The following ARHGAP32 variants were observed in gnomAD, a reference collection of about 807,000 sequenced individuals.
ARHGAP32 encodes rho GTPase-activating protein 32.
Under a neutral mutation model 186.5 loss-of-function variants are expected in ARHGAP32, and 51 were observed. The observed-to-expected ratio is 0.27, with a 90% CI of 0.22 to 0.35. The LOEUF is 0.35. Ranked by LOEUF, ARHGAP32 falls within the 10% of genes least tolerant of loss-of-function variation. ARHGAP32 has a pLI of 1.00. For synonymous variants in ARHGAP32, 950 were observed against 964.3 expected (o/e 0.99, Z 0.27); for missense variants, 2,186 against 2,623.5 (o/e 0.83, Z 3.64).
chr11:129,035,393 T>A (rs1468111379), intron 11 of ARHGAP32, among the ~76,000 whole-genome samples: 1 of 152,258 alleles, frequency 6.6e-6, no homozygotes, highest in Non-Finnish European at 1.5e-5. Flanking sequence ...TCTCAAACTA[T>A]AGCTGTATCT....
chr11:129,170,491 C>T (rs1394049014), intron 1 of ARHGAP32, among the ~76,000 whole-genome samples: 2 of 152,132 alleles, frequency 1.3e-5, no homozygotes, highest in Admixed American at 6.5e-5. Flanking sequence ...CTGTCCATGT[C>T]CCTGAAAAGG....
chr11:128,969,350 C>CT lies in ARHGAP32; in HGVS notation c.5862dup (p.Glu1955ArgfsTer14). The CT allele has an allele frequency of 1.2e-6, 2 of 1,614,188 alleles. No individual in the cohort carries two copies. The highest frequency in any genetic ancestry group is 8.5e-7 in the Non-Finnish European group (1 of 1,180,036). On this transcript the variant is annotated frameshift_variant, in exon 23 of 23. Coordinates refer to ENST00000682385, the MANE Select transcript of ARHGAP32 (RefSeq NM_001378024.1). LOFTEE classifies it high-confidence loss of function. The surrounding 1 kb of genome is among the most constrained non-coding windows in gnomAD (Gnocchi z 4.8). Reference sequence around the variant, plus strand: ...TCCATCTCTTTGGAGAGCCTTACCTCTTTGTGGTTCAGTCTTAAAGATTCT... The same window carrying CT: ...TCCATCTCTTTGGAGAGCCTTACCTCTTTTGTGGTTCAGTCTTAAAGATTCT...
intron 1 of ARHGAP32, among the ~76,000 whole-genome samples, chr11:129,225,404 G>A (rs1944767246): frequency 6.6e-6 from 1 of 152,118 alleles, no homozygotes; most frequent in African/African-American, 2.4e-5. Flanking sequence ...GTTATCAAAT[G>A]TCTGGATGAC....
At chr11:129,251,161 CTGA>C (rs1264883367) in intron 1 of ARHGAP32, among the ~76,000 whole-genome samples, 1 of 152,170 alleles carries the variant, frequency 6.6e-6, no homozygotes, top group Non-Finnish European at 1.5e-5. Context: ...TCCAAAGGTG[CTGA>C]TGATGAGGTA....
chr11:128,972,775 A>T lies in ARHGAP32; in HGVS notation c.3731T>A (p.Phe1244Tyr). The change falls in exon 22 of 23, where the codon TTT (phenylalanine) becomes TAT (tyrosine). Residue 1244 changes from phenylalanine (F) to tyrosine (Y), a missense_variant. This residue lies in a region of ARHGAP32 where 1,502 missense variants were observed against 1,570.0 expected (regional missense o/e 0.96). Coordinates refer to ENST00000682385, the MANE Select transcript of ARHGAP32 (RefSeq NM_001378024.1). ...AGGAGGTGTGGGAGATTTGTCTGCA[A>T]ATTCTAAAGGGTGATGGAGTTTATC... ...SVDKLHHPLE[F>Y]ADKSPTPPNL... is the part of the protein sequence containing the mutation. The T allele has an allele frequency of 1.9e-6, 3 of 1,613,932 alleles. No individual in the cohort carries two copies. Among genetic ancestry groups the T allele is most frequent in the Non-Finnish European group, 2.5e-6 (3 of 1,179,998 alleles).
chr11:129,210,340 A>C (rs959746235), intron 1 of ARHGAP32, among the ~76,000 whole-genome samples: 4 of 152,204 alleles, frequency 2.6e-5, no homozygotes, highest in African/African-American at 9.6e-5. Context: ...TTACAACTGT[A>C]TGGGAAATTT....
chr11:129,204,577 T>C (rs1944493836), intron 1 of ARHGAP32, among the ~76,000 whole-genome samples: 1 of 152,216 alleles, frequency 6.6e-6, no homozygotes, highest in Non-Finnish European at 1.5e-5. Flanking sequence ...TCCTTACCTG[T>C]ATAGTTCACT....
intron 1 of ARHGAP32, among the ~76,000 whole-genome samples, chr11:129,254,188 C>G (rs1945225427): frequency 6.6e-6 from 1 of 151,968 alleles, no homozygotes; most frequent in East Asian, 1.9e-4. Context: ...ATTTATACAG[C>G]CCATGTGCAC....
At chr11:129,153,191 C>G (rs1272816657) in intron 2 of ARHGAP32, among the ~76,000 whole-genome samples, 3 of 151,664 alleles carry the variant, frequency 2.0e-5, no homozygotes, top group African/African-American at 7.3e-5. Flanking sequence ...GATGAACTAT[C>G]TCTACAAGGA....
intron 2 of ARHGAP32, among the ~76,000 whole-genome samples, chr11:129,131,961 G>A (rs1942820842): frequency 6.6e-6 from 1 of 152,032 alleles, no homozygotes; most frequent in Non-Finnish European, 1.5e-5. Context: ...TAAGTTCTGG[G>A]GTACATGTGC....
At chr11:129,035,032 A>T (rs1939273706) in intron 11 of ARHGAP32, among the ~76,000 whole-genome samples, 1 of 152,170 alleles carries the variant, frequency 6.6e-6, no homozygotes, top group African/African-American at 2.4e-5. Flanking sequence ...ACTTGCAAGC[A>T]AAACAAACAC....
chr11:129,105,458 C>T (rs919083881), intron 5 of ARHGAP32, among the ~76,000 whole-genome samples: 4 of 152,056 alleles, frequency 2.6e-5, no homozygotes, highest in East Asian at 1.9e-4. Context: ...ACGTAAAGAC[C>T]GGAGAAAGTG....
In ARHGAP32 at chr11:128,969,354, G is replaced by C; in HGVS notation, c.5859C>G (p.His1953Gln). ...TCTCTTTGGAGAGCCTTACCTCTTT[G>C]TGGTTCAGTCTTAAAGATTCTTGCC... ...ASGQESLRLNHKEVRLSKEME... is the reference protein window; with the variant it reads ...ASGQESLRLNQKEVRLSKEME... Residue 1953 changes from histidine to glutamine, a missense_variant, in exon 23 of 23, where the codon CAC (histidine) becomes CAG (glutamine). By Grantham distance (24) the His-to-Gln change is conservative. Transcript: ENST00000682385. The surrounding 1 kb of genome is among the most constrained non-coding windows in gnomAD (Gnocchi z 4.8). The C allele has an allele frequency of 6.2e-7, 1 of 1,614,232 alleles. No homozygotes were observed. The highest frequency in any genetic ancestry group is 8.5e-7 in the Non-Finnish European group (1 of 1,180,046).
chr11:128,973,727 AG>A, intron 21 of ARHGAP32: 1 of 538,956 alleles, frequency 1.9e-6, no homozygotes, highest in Non-Finnish European at 3.3e-6. Context: ...TTAGAAAACA[AG>A]CTTCAAGTGC....
chr11:129,004,528 C>A (rs1937660786), intron 11 of ARHGAP32, among the ~76,000 whole-genome samples: 1 of 151,950 alleles, frequency 6.6e-6, no homozygotes, highest in Admixed American at 6.6e-5. Flanking sequence ...ACAATATTTG[C>A]TTGATATTTC....
chr11:129,031,092 A>G (rs1411100740), intron 11 of ARHGAP32, among the ~76,000 whole-genome samples: 3 of 152,166 alleles, frequency 2.0e-5, no homozygotes, highest in Non-Finnish European at 1.5e-5. Context: ...TTTATAAATT[A>G]CCCAATCTCA....
intron 6 of ARHGAP32, among the ~76,000 whole-genome samples, chr11:129,067,346 A>G (rs1198444849): frequency 1.3e-5 from 2 of 152,116 alleles, no homozygotes; most frequent in Non-Finnish European, 2.9e-5. Context: ...TTCATACAGC[A>G]TCTAGAAACC....
intron 1 of ARHGAP32, among the ~76,000 whole-genome samples, chr11:129,168,822 C>T (rs945308698): frequency 3.3e-5 from 5 of 151,624 alleles, no homozygotes; most frequent in African/African-American, 4.8e-5. Context: ...TTATAACCAC[C>T]GCAGAACTGC....
chr11:129,131,090 G>C (rs955560210), intron 2 of ARHGAP32, among the ~76,000 whole-genome samples: 1 of 151,954 alleles, frequency 6.6e-6, no homozygotes, highest in African/African-American at 2.4e-5. Context: ...AAAAAATCTT[G>C]CTGTCTTATT....
Sources: allele counts gnomAD v4.1 joint callset (sites outside exome capture counted in the v4.1 genomes callset), GRCh38; gene constraint gnomAD v4.1.1; regional missense constraint gnomAD v4.1.1; non-coding constraint Gnocchi (gnomAD v3.1); transcripts MANE v1.5; gene names NCBI Gene and HGNC (gene_info 2026-07-23, HGNC 2026-07-21).